Variants in STAMBP observed in about 807,000 individuals in gnomAD.
STAMBP encodes STAM binding protein, also known as STAM-binding protein.
In STAMBP, 31 loss-of-function variants were observed where a neutral mutation model predicts 50.7. The observed-to-expected ratio is 0.61, with a 90% confidence interval of 0.46 to 0.83. The LOEUF is 0.83. Ranked by LOEUF, STAMBP falls within the 40% of genes least tolerant of loss-of-function variation. The pLI, the probability that STAMBP is intolerant of heterozygous loss-of-function variation, is 0.00. For synonymous variants in STAMBP, 211 were observed against 192.4 expected (o/e 1.10, Z -0.80); for missense variants, 472 against 518.9 (o/e 0.91, Z 0.88).
chr2:73,860,214 T>C, intron 9 of STAMBP, 63 bp downstream of exon 9: 1 of 1,363,546 alleles, frequency 7.3e-7, no homozygotes, highest in South Asian at 1.2e-5. Flanking sequence ...TCAGAGCTGA[T>C]GAAATGCATC....
At chr2:73,871,508 A>G (rs956510383), downstream of STAMBP, among the ~76,000 whole-genome samples, 1 of 151,510 alleles carries the variant, frequency 6.6e-6, no homozygotes, top group Non-Finnish European at 1.5e-5. Flanking sequence ...AGATCGCATC[A>G]CTACACTCCA....
intron 2 of STAMBP, among the ~76,000 whole-genome samples, chr2:73,833,094 A>G (rs1188956321): frequency 6.6e-6 from 1 of 152,208 alleles, no homozygotes; most frequent in Non-Finnish European, 1.5e-5. Flanking sequence ...AGTCAGAGAA[A>G]AGGAAATGAG....
rs149460447 is a variant in STAMBP, at chr2:73,831,247, G to A, written c.203+188G>A. On this transcript the variant is annotated intron_variant, in intron 2 of 9. Coordinates refer to ENST00000394070, the MANE Select transcript of STAMBP (RefSeq NM_213622.4). Reference sequence around the variant, plus strand: ...CTGAAGGTGTTATTTTCATGACTCAGTAATTTATGAGTAAGAGATTTAGTT... The same window carrying A: ...CTGAAGGTGTTATTTTCATGACTCAATAATTTATGAGTAAGAGATTTAGTT... Among the ~76,000 whole-genome samples the A allele has an allele frequency of 3.6e-4, 55 of 152,344 alleles. No individual in the cohort carries two copies. In the East Asian group the frequency reaches 6.2e-3, roughly 17 times the overall value.
chr2:73,847,283 A>G (rs1397707365), intron 4 of STAMBP, 104 bp from the exon 5 acceptor site: 16 of 1,407,666 alleles, frequency 1.1e-5, no homozygotes, highest in Non-Finnish European at 1.5e-5. Context: ...ATCAGGCCAC[A>G]GCAGAAGTAC....
At chr2:73,836,027 C>G (rs549155866) in intron 2 of STAMBP, among the ~76,000 whole-genome samples, 1 of 151,054 alleles carries the variant, frequency 6.6e-6, no homozygotes, top group Non-Finnish European at 1.5e-5. Flanking sequence ...TATTCTTATT[C>G]AGACTATTTT....
chr2:73,873,092 G>GCTGAGACAC (rs1679263414), intron 10 of STAMBP, among the ~76,000 whole-genome samples: 1 of 152,194 alleles, frequency 6.6e-6, no homozygotes, highest in African/African-American at 2.4e-5. Flanking sequence ...ACATAGTCCA[G>GCTGAGACAC]CTGAGACACC....
rs1053207154 is a variant in STAMBP at position 73,847,512 on chromosome 2, G to A, written c.501G>A (p.Glu167=). 6.2e-7 allele frequency: 1 copy of A among 1,614,196 alleles called. No individual in the cohort carries two copies. The highest frequency in any genetic ancestry group is 8.5e-7 in the Non-Finnish European group (1 of 1,180,044). The change falls in exon 5 of 10, where the codon GAG becomes GAA. Residue 167 remains glutamate (E), a synonymous_variant. Transcript: ENST00000394070. ...AGGAACAGTTCCATGCCTTCGAGGA[G>A]ATGATCCGGAACCAGGAGCTAGAAA... ...LEQEQFHAFE[E]MIRNQELEKE... is the part of the protein sequence containing the mutation.
At chr2:73,870,561 C>G (rs755344345), downstream of STAMBP, among the ~76,000 whole-genome samples, 1 of 152,064 alleles carries the variant, frequency 6.6e-6, no homozygotes, top group Non-Finnish European at 1.5e-5. Context: ...TCTGGACTTG[C>G]GTTAGAATGT....
downstream of STAMBP, among the ~76,000 whole-genome samples, chr2:73,871,682 A>G (rs1679206171): frequency 6.6e-6 from 1 of 152,074 alleles, no homozygotes; most frequent in Admixed American, 6.6e-5. Context: ...TTCTATGCTT[A>G]ATGTTTGTTC....
At chr2:73,849,924 G>A (rs1216765271) in intron 6 of STAMBP, among the ~76,000 whole-genome samples, 1 of 152,138 alleles carries the variant, frequency 6.6e-6, no homozygotes, top group African/African-American at 2.4e-5. Flanking sequence ...AGGAAGGAAA[G>A]GTCACTGAAT....
In STAMBP at chr2:73,847,439, A is replaced by G; in HGVS notation, c.428A>G (p.Glu143Gly). Residue 143 changes from glutamate to glycine, a missense_variant, in exon 5 of 10, where the codon GAA becomes GGA. Physicochemically the swap from Glu to Gly is moderately conservative, Grantham distance 98. Transcript: ENST00000394070. The stretch of plus-strand genomic sequence containing the variant: ...AACATGGCCATCCAGCAAGAGCTGG[A>G]AAAGGAAAAACAGAGGGTAGCACAA... ...ARNMAIQQELEKEKQRVAQQK... is the reference protein window; with the variant it reads ...ARNMAIQQELGKEKQRVAQQK... The G allele has an allele frequency of 6.2e-7, 1 of 1,613,492 alleles. No individual in the cohort carries two copies.
rs757045954 is a variant in STAMBP at position 73,847,756 on chromosome 2, A to C, written c.742+3A>C. ...AGCACTGAGCAACTCAGAAAGTAGT[A>C]AGTGCATTTGCTGATGTCCTCTTCC... is the stretch of plus-strand genomic sequence containing the variant. On this transcript the variant is annotated splice_donor_region_variant and intron_variant, in intron 5 of 9. Coordinates refer to ENST00000394070, the MANE Select transcript of STAMBP (RefSeq NM_213622.4). The C allele has an allele frequency of 6.2e-7, 1 of 1,611,180 alleles. No homozygotes were observed. The highest frequency in any genetic ancestry group is 1.1e-5 in the South Asian group (1 of 90,806).
In STAMBP at chr2:73,829,494, A is replaced by G. The variant is rs903269547; in HGVS notation, c.-29A>G. On this transcript the variant is annotated 5_prime_UTR_variant, in exon 1 of 10. Coordinates refer to ENST00000394070, the MANE Select transcript of STAMBP (RefSeq NM_213622.4). ...GAGGTGGTTCCTTTCTTAACCCACAAGAACCTCTCCCAAGAGGTACTGAGA... is the reference window on the plus strand; with the variant it reads ...GAGGTGGTTCCTTTCTTAACCCACAGGAACCTCTCCCAAGAGGTACTGAGA... 1.3e-5 allele frequency: 2 copies of G among 152,192 alleles called. No homozygotes were observed. The highest frequency in any genetic ancestry group is 6.5e-5 in the Admixed American group (1 of 15,288). The allele number at this position is 152,192 out of a possible 1,614,324, so 9.4% of individuals were successfully genotyped here.
At chr2:73,845,847 G>T (rs982874303) in intron 4 of STAMBP, among the ~76,000 whole-genome samples, 1 of 152,180 alleles carries the variant, frequency 6.6e-6, no homozygotes, top group Non-Finnish European at 1.5e-5. Context: ...GGCCAAGATG[G>T]TCTCAAACTC....
intron 7 of STAMBP, among the ~76,000 whole-genome samples, chr2:73,853,293 A>G (rs1180672487): frequency 6.6e-6 from 1 of 152,240 alleles, no homozygotes; most frequent in African/African-American, 2.4e-5. Flanking sequence ...TCTAGAGGAA[A>G]GGAGAAACAT....
intron 6 of STAMBP, among the ~76,000 whole-genome samples, chr2:73,849,744 T>C (rs1297825635): frequency 6.6e-6 from 1 of 152,200 alleles, no homozygotes; most frequent in Non-Finnish European, 1.5e-5. Flanking sequence ...TATCTACATA[T>C]CAATTTTTTT....
chr2:73,870,101 C>T (rs1047577539), downstream of STAMBP: 3 of 152,132 alleles, frequency 2.0e-5, no homozygotes, highest in Admixed American at 6.6e-5. Context: ...ACATGTATTG[C>T]TTTTATAATT....
At chr2:73,844,955 A>G in intron 3 of STAMBP, 67 bp downstream of exon 3, 2 of 1,576,866 alleles carry the variant, frequency 1.3e-6, no homozygotes, top group East Asian at 4.6e-5. Context: ...CTTCAAGATA[A>G]AAGTAGTAGT....
At chr2:73,848,950 A>C (rs1012775627) in intron 5 of STAMBP, among the ~76,000 whole-genome samples, 2 of 152,086 alleles carry the variant, frequency 1.3e-5, no homozygotes, top group East Asian at 3.9e-4. Context: ...TATGGGGTAC[A>C]TGAGATGTTT....
Sources: gnomAD v4.1 joint callset for allele counts (sites outside exome capture counted in the v4.1 genomes callset) on GRCh38, gnomAD v4.1.1 for gene constraint, MANE v1.5 for transcripts, NCBI Gene and HGNC (gene_info 2026-07-23, HGNC 2026-07-21) for gene names.